ZBTB1: variants seen among roughly 807,000 people sequenced by gnomAD.
The protein encoded by ZBTB1 is zinc finger and BTB domain-containing protein 1.
A neutral mutation model predicts 51.6 loss-of-function variants in ZBTB1; 13 were observed. The ratio of observed to expected loss-of-function variants is 0.25; its 90% CI spans 0.16 to 0.40. ZBTB1 has a LOEUF of 0.40. ZBTB1 is among the 10% of genes least tolerant of loss of function. The pLI is 1.00. For synonymous variants in ZBTB1, 240 were observed against 282.2 expected (o/e 0.85, Z 1.50); for missense variants, 567 against 856.5 (o/e 0.66, Z 4.22).
chr14:64,503,984 A>G (rs2079589866), upstream of ZBTB1: 1 of 152,118 alleles, frequency 6.6e-6, no homozygotes, highest in African/African-American at 2.4e-5. Context: ...AGGCGGAAGC[A>G]TAGGGACAAG....
chr14:64,505,738 G>A (rs1450467376), intron 1 of ZBTB1, among the ~76,000 whole-genome samples: 1 of 152,206 alleles, frequency 6.6e-6, no homozygotes, highest in Admixed American at 6.5e-5. Context: ...ATCAGGAAGA[G>A]GTTGATGAAA....
At chr14:64,528,897 C>T (rs1202661151), downstream of ZBTB1, among the ~76,000 whole-genome samples, 1 of 152,190 alleles carries the variant, frequency 6.6e-6, no homozygotes, top group East Asian at 1.9e-4. Context: ...ACCTAGGTTT[C>T]TGACTTCTAC....
At chr14:64,519,685 G>A (rs1284124809) in intron 1 of ZBTB1, among the ~76,000 whole-genome samples, 1 of 151,508 alleles carries the variant, frequency 6.6e-6, no homozygotes, top group African/African-American at 2.4e-5. Context: ...TGCTGTGGCG[G>A]GAGGATTGCT....
intron 1 of ZBTB1, among the ~76,000 whole-genome samples, chr14:64,510,575 G>A (rs2079714299): frequency 6.6e-6 from 1 of 152,194 alleles, no homozygotes; most frequent in Non-Finnish European, 1.5e-5. Flanking sequence ...AACTGCAGGG[G>A]AAGTAAGAAA....
In ZBTB1 at chr14:64,524,843, T is replaced by C; in HGVS notation, c.*1197T>C. ...TGGAAACAGTTTATCATTTTTTCAG[T>C]TAAAGTAGTAGTATTGTTAGTTGTT... On this transcript the variant is annotated 3_prime_UTR_variant, in exon 2 of 2. Transcript: ENST00000683701. 1 of 984,886 alleles carries C rather than the reference T, an allele frequency of 1.0e-6. No individual in the cohort carries two copies. Among genetic ancestry groups the C allele is most frequent in the Non-Finnish European group, 1.2e-6 (1 of 829,442 alleles). The allele number at this position is 984,886 out of a possible 1,614,324, so 61.0% of individuals were successfully genotyped here.
chr14:64,532,473 C>A (rs1596708733), exon 3 of ZBTB1: 1 of 152,208 alleles, frequency 6.6e-6, no homozygotes, highest in African/African-American at 2.4e-5. Flanking sequence ...TTATTACTCA[C>A]TATAGTAAAA....
rs895241853 is a variant in ZBTB1, at chr14:64,521,863, A to C, written c.359A>C (p.Asp120Ala). 4 of 1,613,066 alleles carry C rather than the reference A, an allele frequency of 2.5e-6. No homozygotes were observed. The African/African-American group carries it at 5.3e-5, about 22-fold the overall frequency. The change falls in exon 2 of 2, where the codon GAT (aspartate) becomes GCT (alanine). Residue 120 changes from aspartate (D) to alanine (A), a missense_variant. By Grantham distance (126) the Asp-to-Ala change is moderately radical. Coordinates refer to ENST00000683701, the MANE Select transcript of ZBTB1 (RefSeq NM_001123329.2). ...TGTTTAGAAGACATCCAGGATGCAG[A>C]TTGTTCTAGTTCAAAATGTTCCTCT... Reference protein sequence around the residue: ...PDCLEDIQDADCSSSKCSSSA... With the variant: ...PDCLEDIQDAACSSSKCSSSA...
chr14:64,526,027 C>G (rs757137357), downstream of ZBTB1, among the ~76,000 whole-genome samples: 23 of 152,130 alleles, frequency 1.5e-4, no homozygotes, highest in Non-Finnish European at 1.2e-4. Flanking sequence ...ACCGTCTTGG[C>G]CAGGCTGGTG....
intron 1 of ZBTB1, among the ~76,000 whole-genome samples, chr14:64,512,235 C>T (rs895442474): frequency 2.6e-5 from 4 of 152,132 alleles, no homozygotes; most frequent in African/African-American, 9.7e-5. Context: ...AAGAAGTTCC[C>T]GCATAGCTAA....
downstream of ZBTB1, among the ~76,000 whole-genome samples, chr14:64,527,833 A>G (rs891086990): frequency 1.3e-5 from 2 of 152,200 alleles, no homozygotes; most frequent in Non-Finnish European, 2.9e-5. Context: ...ATATATGAAC[A>G]GGATATAAAA....
intron 1 of ZBTB1, among the ~76,000 whole-genome samples, chr14:64,508,685 G>T (rs1011928795): frequency 6.6e-6 from 1 of 152,138 alleles, no homozygotes; most frequent in African/African-American, 2.4e-5. Context: ...ACCTATCTCA[G>T]GGTGGTTGTG....
intron 1 of ZBTB1, among the ~76,000 whole-genome samples, chr14:64,517,781 A>ATATATTTATTT (rs1160337478): frequency 2.4e-5 from 1 of 41,550 alleles, no homozygotes; most frequent in Non-Finnish European, 4.6e-5. Flanking sequence ...ATATATATAT[A>ATATATTTATTT]TTTTTTTTTT....
Position 64,521,519 on chromosome 14 carries a change from C to T in ZBTB1, c.15C>T (p.Ser5=), listed in dbSNP as rs776132804. The part of the protein sequence containing the change: MAKP[S]HSSYVLQQLN... ...ATTAACAGAAGATGGCAAAGCCCAGCCACAGCAGCTATGTCCTTCAGCAGC... is the reference window on the plus strand; with the variant it reads ...ATTAACAGAAGATGGCAAAGCCCAGTCACAGCAGCTATGTCCTTCAGCAGC... The change falls in exon 2 of 2, where the codon AGC becomes AGT. Residue 5 remains serine (S), a synonymous_variant. Coordinates refer to ENST00000683701, the MANE Select transcript of ZBTB1 (RefSeq NM_001123329.2). 6.2e-7 allele frequency: 1 copy of T among 1,605,082 alleles called. No individual in the cohort carries two copies. The highest frequency in any genetic ancestry group is 1.1e-5 in the South Asian group (1 of 89,590).
chr14:64,520,492 T>C (rs977889304), intron 1 of ZBTB1, among the ~76,000 whole-genome samples: 11 of 152,164 alleles, frequency 7.2e-5, no homozygotes, highest in Non-Finnish European at 1.3e-4. Context: ...TTTTTTTGTT[T>C]TGTTTTGTTT....
At chr14:64,505,946 A>G (rs1422648290) in intron 1 of ZBTB1, among the ~76,000 whole-genome samples, 1 of 152,224 alleles carries the variant, frequency 6.6e-6, no homozygotes, top group Non-Finnish European at 1.5e-5. Flanking sequence ...CGTAGGATCA[A>G]TGTCTCTGAA....
chr14:64,509,051 C>A (rs1417839751), intron 1 of ZBTB1, among the ~76,000 whole-genome samples: 1 of 152,202 alleles, frequency 6.6e-6, no homozygotes, highest in Non-Finnish European at 1.5e-5. Context: ...GAAGAGGCAT[C>A]TGCCTCACCC....
intron 1 of ZBTB1, among the ~76,000 whole-genome samples, chr14:64,519,831 C>T (rs546111002): frequency 1.6e-4 from 25 of 151,868 alleles, no homozygotes; most frequent in African/African-American, 5.8e-4. Flanking sequence ...AAAATACCTT[C>T]TCAAATAAAC....
chr14:64,517,781 A>ATATATATATATTTTTTTTT (rs1160337478), intron 1 of ZBTB1, among the ~76,000 whole-genome samples: 9 of 41,560 alleles, frequency 2.2e-4, no homozygotes, highest in Admixed American at 3.3e-4. Flanking sequence ...ATATATATAT[A>ATATATATATATTTTTTTTT]TTTTTTTTTT....
At chr14:64,511,098 T>C (rs2079719884) in intron 1 of ZBTB1, among the ~76,000 whole-genome samples, 1 of 152,228 alleles carries the variant, frequency 6.6e-6, no homozygotes, top group South Asian at 2.1e-4. Context: ...GGGGCATTTT[T>C]AAGTGGGTTC....
Sources: allele counts gnomAD v4.1 joint callset (sites outside exome capture counted in the v4.1 genomes callset), GRCh38; gene constraint gnomAD v4.1.1; transcripts MANE v1.5; gene names NCBI Gene and HGNC (gene_info 2026-07-23, HGNC 2026-07-21).